Variants in FAM13C observed in about 807,000 individuals in gnomAD.
FAM13C encodes protein FAM13C.
A neutral mutation model predicts 73.2 loss-of-function variants in FAM13C; 37 were observed. The observed-to-expected ratio is 0.51, with a 90% CI of 0.39 to 0.67. The LOEUF (loss-of-function observed/expected upper bound fraction) is 0.67, where lower values mean the gene tolerates loss of function less well. FAM13C is among the 30% of genes least tolerant of loss of function. The probability of loss-of-function intolerance (pLI) is 0.00; values close to 1 mark genes in which losing one functional copy is unlikely to be tolerated. For missense variants in FAM13C, 589 were observed against 715.6 expected, an observed-to-expected ratio of 0.82 and a Z score of 2.02; for synonymous variants, 246 against 260.9, an observed-to-expected ratio of 0.94 and a Z score of 0.55.
At chr10:59,265,284 C>G (rs943885943) in intron 8 of FAM13C, among the ~76,000 whole-genome samples, 1 of 93,764 alleles carries the variant, frequency 1.1e-5, no homozygotes, top group Middle Eastern at 7.8e-3. Context: ...AGACTGGTTT[C>G]CCTGAGGGAT....
chr10:59,268,415 A>G, intron 8 of FAM13C, 138 bp downstream of exon 8: 1 of 1,021,710 alleles, frequency 9.8e-7, no homozygotes, highest in Non-Finnish European at 1.4e-6. Context: ...TGAAGACTCT[A>G]TGATAGGTCC....
chr10:59,290,852 A>C (rs1472160690), intron 5 of FAM13C, among the ~76,000 whole-genome samples: 3 of 152,182 alleles, frequency 2.0e-5, no homozygotes, highest in African/African-American at 7.2e-5. Flanking sequence ...TGGGTCCTTT[A>C]GCCAGTATTT....
chr10:59,330,404 T>C (rs1162317822), intron 3 of FAM13C, among the ~76,000 whole-genome samples: 1 of 151,986 alleles, frequency 6.6e-6, no homozygotes, highest in African/African-American at 2.4e-5. Context: ...ACAGCTGGGG[T>C]GGGTGGTATT....
intron 1 of FAM13C, 127 bp downstream of exon 1, chr10:59,362,272 A>G: frequency 7.5e-7 from 1 of 1,334,090 alleles, no homozygotes; most frequent in Admixed American, 2.1e-5. Context: ...CGGTCTTCAC[A>G]GCCCCAGATT....
chr10:59,329,102 T>A (rs758341257), intron 3 of FAM13C, among the ~76,000 whole-genome samples: 1 of 152,072 alleles, frequency 6.6e-6, no homozygotes, highest in African/African-American at 2.4e-5. Context: ...TTGATTTAAA[T>A]TTCCTTTCAA....
intron 3 of FAM13C, among the ~76,000 whole-genome samples, chr10:59,343,825 C>A (rs572781903): frequency 6.6e-6 from 1 of 152,072 alleles, no homozygotes; most frequent in African/African-American, 2.4e-5. Flanking sequence ...TAAATCACTA[C>A]GTATTTGGGT....
At chr10:59,305,739 G>T (rs1589536910) in intron 4 of FAM13C, among the ~76,000 whole-genome samples, 1 of 152,310 alleles carries the variant, frequency 6.6e-6, no homozygotes, top group East Asian at 1.9e-4. Context: ...TGTCCTCCAT[G>T]CCTGAACAAA....
Position 59,352,408 on chromosome 10 carries a change from A to G in FAM13C, c.186T>C (p.Ser62=), listed in dbSNP as rs1855170613. The change falls in exon 3 of 14, where the codon TCT becomes TCC. Residue 62 remains serine (S), a synonymous_variant. Coordinates refer to ENST00000618804, the MANE Select transcript of FAM13C (RefSeq NM_198215.4). ...CTACATTCTGCTGCTGCGGCTCCCA[A>G]GAGGGCGGCGCGTGCTCTTCTACCA... is the stretch of plus-strand genomic sequence containing the variant. ...GALVEEHAPP[S]WEPQQQNVEA... 5 of 1,614,000 alleles carry G rather than the reference A, an allele frequency of 3.1e-6. No individual in the cohort carries two copies. Among genetic ancestry groups the G allele is most frequent in the Non-Finnish European group, 4.2e-6 (5 of 1,180,016 alleles).
chr10:59,314,724 T>C (rs1849326299), intron 4 of FAM13C, among the ~76,000 whole-genome samples: 1 of 152,114 alleles, frequency 6.6e-6, no homozygotes, highest in Admixed American at 6.6e-5. Context: ...ATATTTCCCT[T>C]GTCCCTGCAT....
At chr10:59,271,833 G>A (rs1843748532) in intron 6 of FAM13C, among the ~76,000 whole-genome samples, 2 of 152,072 alleles carry the variant, frequency 1.3e-5, no homozygotes, top group South Asian at 4.1e-4. Context: ...GAAATAATGG[G>A]GAAGAAAATA....
chr10:59,261,693 G>A (rs963732115), intron 10 of FAM13C, among the ~76,000 whole-genome samples: 2 of 152,028 alleles, frequency 1.3e-5, no homozygotes, highest in Non-Finnish European at 2.9e-5. Context: ...TCTGTTATTC[G>A]AGCACTGAAA....
intron 4 of FAM13C, among the ~76,000 whole-genome samples, chr10:59,309,664 T>C (rs760664349): frequency 5.3e-5 from 8 of 152,248 alleles, no homozygotes; most frequent in Non-Finnish European, 1.0e-4. Context: ...ATGTTCTCAC[T>C]GTATTCTGAT....
At chr10:59,281,803 C>G (rs1269874427) in intron 6 of FAM13C, among the ~76,000 whole-genome samples, 1 of 152,080 alleles carries the variant, frequency 6.6e-6, no homozygotes, top group Non-Finnish European at 1.5e-5. Flanking sequence ...AAAATATATC[C>G]ACATCCAACA....
chr10:59,334,554 T>C (rs1485321618), intron 3 of FAM13C, among the ~76,000 whole-genome samples: 1 of 152,140 alleles, frequency 6.6e-6, no homozygotes. Context: ...GTGCCACATA[T>C]ACACCATGGA....
intron 2 of FAM13C, among the ~76,000 whole-genome samples, chr10:59,353,230 C>A (rs909254376): frequency 2.0e-5 from 3 of 152,088 alleles, no homozygotes; most frequent in Non-Finnish European, 4.4e-5. Flanking sequence ...ATATCCCTAC[C>A]CCCCTCCAGT....
chr10:59,312,404 T>G (rs1849035965), intron 4 of FAM13C, among the ~76,000 whole-genome samples: 1 of 152,166 alleles, frequency 6.6e-6, no homozygotes, highest in Non-Finnish European at 1.5e-5. Context: ...ACCTGTCATC[T>G]TCCCTCCATC....
rs550474887 is a variant in FAM13C at position 59,352,417 on chromosome 10, C to T, written c.177G>A (p.Ala59=). Residue 59 remains alanine (A), a synonymous_variant, in exon 3 of 14, where the codon GCG becomes GCA. Coordinates refer to ENST00000618804, the MANE Select transcript of FAM13C (RefSeq NM_198215.4). ...GCTGCTGCGGCTCCCAAGAGGGCGGCGCGTGCTCTTCTACCAGAGCCCCTG... is the reference window on the plus strand; with the variant it reads ...GCTGCTGCGGCTCCCAAGAGGGCGGTGCGTGCTCTTCTACCAGAGCCCCTG... The part of the protein sequence containing the change: ...PDAGALVEEH[A]PPSWEPQQQN... 10 of 1,613,660 alleles carry T rather than the reference C, an allele frequency of 6.2e-6. No homozygotes were observed. Among genetic ancestry groups the T allele is most frequent in the African/African-American group, 1.3e-5 (1 of 74,908 alleles).
chr10:59,274,344 G>A (rs138292330), intron 6 of FAM13C, among the ~76,000 whole-genome samples: 75 of 152,252 alleles, frequency 4.9e-4, no homozygotes, highest in Middle Eastern at 3.4e-3. Flanking sequence ...TAACCAAGGC[G>A]AGAAAACAGA....
At chr10:59,314,184 A>C (rs1418739504) in intron 4 of FAM13C, among the ~76,000 whole-genome samples, 1 of 152,150 alleles carries the variant, frequency 6.6e-6, no homozygotes, top group African/African-American at 2.4e-5. Flanking sequence ...GAACACTAGC[A>C]GCAAGATAGA....
Sources: allele counts gnomAD v4.1 joint callset (sites outside exome capture counted in the v4.1 genomes callset), GRCh38; gene constraint gnomAD v4.1.1; transcripts MANE v1.5; gene names NCBI Gene and HGNC (gene_info 2026-07-23, HGNC 2026-07-21).